The following MYO18B variants were observed in gnomAD, a reference collection of about 807,000 sequenced individuals.
The protein encoded by MYO18B is unconventional myosin-XVIIIb.
A neutral mutation model predicts 273.0 loss-of-function variants in MYO18B; 204 were observed. The ratio of observed to expected loss-of-function variants is 0.75; its 90% CI spans 0.67 to 0.84. The LOEUF (loss-of-function observed/expected upper bound fraction) is 0.84, where lower values mean the gene tolerates loss of function less well. Ranked by LOEUF, MYO18B falls within the 40% of genes least tolerant of loss-of-function variation. The pLI is 0.00. For synonymous variants in MYO18B, 1,330 were observed against 1,305.7 expected (o/e 1.02, Z -0.40); for missense variants, 3,212 against 3,287.6 (o/e 0.98, Z 0.56).
downstream of MYO18B, among the ~76,000 whole-genome samples, chr22:26,032,146 T>C (rs1936681012): frequency 6.6e-6 from 1 of 152,210 alleles, no homozygotes; most frequent in Non-Finnish European, 1.5e-5. Context: ...CTCAGTTTTC[T>C]CATCTCAGTA....
chr22:25,989,509 G>C (rs111553235), intron 39 of MYO18B, among the ~76,000 whole-genome samples: 1 of 151,854 alleles, frequency 6.6e-6, no homozygotes, highest in Non-Finnish European at 1.5e-5. Context: ...CTGGCCGGGC[G>C]TGGTGGCTCA....
At chr22:25,778,667 T>C (rs915649706) in intron 8 of MYO18B, among the ~76,000 whole-genome samples, 1 of 151,960 alleles carries the variant, frequency 6.6e-6, no homozygotes, top group Non-Finnish European at 1.5e-5. Flanking sequence ...TTTTTTGTAT[T>C]TTTTTGTAGA....
chr22:25,875,042 CTTG>C (rs1226062962), intron 23 of MYO18B, among the ~76,000 whole-genome samples: 1 of 152,186 alleles, frequency 6.6e-6, no homozygotes, highest in Non-Finnish European at 1.5e-5. Flanking sequence ...AGAATGGAGT[CTTG>C]TTGTATGTGC....
intron 1 of MYO18B, among the ~76,000 whole-genome samples, chr22:25,747,252 C>T (rs2085808272): frequency 6.6e-6 from 1 of 152,254 alleles, no homozygotes; most frequent in South Asian, 2.1e-4. Context: ...CCGGGAAACA[C>T]TAGGTTGGAA....
chr22:26,050,647 T>C, the MYO18B span, among the ~76,000 whole-genome samples: 34 of 152,292 alleles, frequency 2.2e-4, no homozygotes, highest in African/African-American at 8.2e-4. Flanking sequence ...CTCTGCTACG[T>C]CCCGGTTCTT....
At chr22:25,973,245 C>A (rs779107921) in intron 39 of MYO18B, among the ~76,000 whole-genome samples, 11 of 152,126 alleles carry the variant, frequency 7.2e-5, no homozygotes, top group Non-Finnish European at 1.3e-4. Flanking sequence ...AAAGTGAGAG[C>A]TTACTCTTAA....
chr22:25,922,890 CCAAAA>C (rs1260383442), intron 34 of MYO18B, among the ~76,000 whole-genome samples: 3 of 152,208 alleles, frequency 2.0e-5, no homozygotes, highest in Admixed American at 2.0e-4. Context: ...AAGACCTCAA[CCAAAA>C]CAAAACAAAA....
chr22:26,018,605 G>A (rs143660145), intron 42 of MYO18B, among the ~76,000 whole-genome samples: 66 of 152,212 alleles, frequency 4.3e-4, no homozygotes, highest in East Asian at 1.2e-3. Flanking sequence ...AGCCATCGCC[G>A]CCATTGAAAT....
chr22:26,029,590 C>A (rs1936547442), intron 43 of MYO18B, among the ~76,000 whole-genome samples: 1 of 152,172 alleles, frequency 6.6e-6, no homozygotes, highest in Non-Finnish European at 1.5e-5. Context: ...CTCTGCCATT[C>A]CGTTTTAAAC....
rs113939521 is a variant in MYO18B, at chr22:25,971,083, T to C, written c.6156+15719T>C. On this transcript the variant is annotated intron_variant, in intron 39 of 43. Coordinates refer to ENST00000335473, the MANE Select transcript of MYO18B (RefSeq NM_032608.7). The stretch of plus-strand genomic sequence containing the variant: ...ATATTTTAGACTTTGTAGTCCATAC[T>C]GTCTCTGTCACAACTACTCAACTCT... Among the ~76,000 whole-genome samples the C allele has an allele frequency of 5.1e-3, 778 of 152,378 alleles. 13 individuals are homozygous for C. The highest frequency in any genetic ancestry group is 4.4e-3 in the Non-Finnish European group (299 of 68,040).
intron 3 of MYO18B, among the ~76,000 whole-genome samples, chr22:25,764,465 C>T (rs1346010929): frequency 6.6e-6 from 1 of 152,202 alleles, no homozygotes; most frequent in African/African-American, 2.4e-5. Flanking sequence ...GTCTGGTGGC[C>T]TCAGGGCCTG....
At chr22:26,063,320 G>A in the MYO18B span, among the ~76,000 whole-genome samples, 7 of 152,150 alleles carry the variant, frequency 4.6e-5, no homozygotes, top group African/African-American at 1.2e-4. Context: ...AACCCGATGC[G>A]TGAAGAGAAC....
chr22:25,879,249 C>T (rs912790211), intron 25 of MYO18B, among the ~76,000 whole-genome samples: 11 of 152,118 alleles, frequency 7.2e-5, no homozygotes, highest in East Asian at 1.9e-4. Flanking sequence ...ATGTGGCCTG[C>T]GAAAGCTAAA....
chr22:25,940,907 C>A (rs887489338), intron 34 of MYO18B, among the ~76,000 whole-genome samples: 15 of 152,130 alleles, frequency 9.9e-5, no homozygotes, highest in African/African-American at 2.9e-4. Context: ...GGGTCCTATC[C>A]CAAGGGAATA....
chr22:25,823,712 C>T (rs1247430090), intron 13 of MYO18B, 34 bp downstream of exon 13: 8 of 1,610,106 alleles, frequency 5.0e-6, no homozygotes, highest in Non-Finnish European at 6.8e-6. Context: ...GTGAGCTGGG[C>T]CCCCCTCTGG....
chr22:25,940,922 G>A (rs745459409), intron 34 of MYO18B, among the ~76,000 whole-genome samples: 1 of 152,202 alleles, frequency 6.6e-6, no homozygotes, highest in African/African-American at 2.4e-5. Flanking sequence ...GGAATAGTAG[G>A]CAATGAAGCC....
intron 12 of MYO18B, among the ~76,000 whole-genome samples, chr22:25,817,817 T>TCA: frequency 6.6e-6 from 1 of 152,176 alleles, no homozygotes; most frequent in African/African-American, 2.4e-5. Flanking sequence ...TATGATACAA[T>TCA]ATTCATTTAT....
chr22:25,921,504 G>T, intron 34 of MYO18B, 95 bp downstream of exon 34: 1 of 1,430,944 alleles, frequency 7.0e-7, no homozygotes, highest in Non-Finnish European at 9.4e-7. Flanking sequence ...CGGAACCATG[G>T]TGCCAACCTC....
At chr22:26,029,527 A>G (rs1347982844) in intron 43 of MYO18B, among the ~76,000 whole-genome samples, 1 of 152,214 alleles carries the variant, frequency 6.6e-6, no homozygotes. Flanking sequence ...AGTAAAGGGC[A>G]CACATCCATG....
Sources: gnomAD v4.1 joint callset for allele counts (sites outside exome capture counted in the v4.1 genomes callset) on GRCh38, gnomAD v4.1.1 for gene constraint, MANE v1.5 for transcripts, NCBI Gene and HGNC (gene_info 2026-07-23, HGNC 2026-07-21) for gene names.